The following MSRA variants were observed in gnomAD, a reference collection of about 807,000 sequenced individuals.
MSRA encodes the protein mitochondrial peptide methionine sulfoxide reductase.
MSRA carries 54 observed loss-of-function variants against 31.3 expected under a neutral mutation model. That is an observed-to-expected ratio of 1.73 (90% CI 1.39 to 2.17). The LOEUF is 2.17. MSRA is among the 30% of genes most tolerant of loss of function. The probability of loss-of-function intolerance (pLI) is 0.00; values close to 1 mark genes in which losing one functional copy is unlikely to be tolerated. For missense variants in MSRA, 507 were observed against 300.9 expected (o/e 1.69, Z -5.07); for synonymous variants, 169 against 116.5 (o/e 1.45, Z -2.90).
chr8:10,403,903 G>C (rs925733240), intron 5 of MSRA, among the ~76,000 whole-genome samples: 2 of 152,158 alleles, frequency 1.3e-5, no homozygotes, highest in Non-Finnish European at 2.9e-5. Context: ...CACTCACAGA[G>C]GATTGTATGA....
chr8:10,341,209 G>A (rs1436875866), intron 5 of MSRA, among the ~76,000 whole-genome samples: 3 of 152,192 alleles, frequency 2.0e-5, no homozygotes, highest in Non-Finnish European at 2.9e-5. Flanking sequence ...AGATTTAATT[G>A]GCTCATGATT....
chr8:10,227,691 G>C (rs764714878), intron 2 of MSRA, among the ~76,000 whole-genome samples: 2 of 152,144 alleles, frequency 1.3e-5, no homozygotes, highest in Non-Finnish European at 2.9e-5. Context: ...ATTAGGGAAG[G>C]GGCTGAAAAG....
At chr8:10,071,363 C>A (rs560101094) in intron 1 of MSRA, among the ~76,000 whole-genome samples, 1 of 151,934 alleles carries the variant, frequency 6.6e-6, no homozygotes, top group Non-Finnish European at 1.5e-5. Flanking sequence ...CTTTACTCTT[C>A]AGCGGAGTCT....
At chr8:10,358,980 G>A (rs1804680774) in intron 5 of MSRA, among the ~76,000 whole-genome samples, 1 of 152,140 alleles carries the variant, frequency 6.6e-6, no homozygotes. Flanking sequence ...GACGCCTGAT[G>A]ATCTGAAGTG....
At chr8:10,250,754 A>T (rs918785222) in intron 3 of MSRA, 2 of 437,132 alleles carry the variant, frequency 4.6e-6, no homozygotes, top group African/African-American at 3.9e-5. Context: ...TCAGGTGCTT[A>T]TGTGTCCTGT....
At chr8:10,350,680 G>A (rs1804072844) in intron 5 of MSRA, among the ~76,000 whole-genome samples, 1 of 152,206 alleles carries the variant, frequency 6.6e-6, no homozygotes, top group Non-Finnish European at 1.5e-5. Flanking sequence ...TAGCTGGTTG[G>A]CCCTGTATCT....
At chr8:10,162,230 G>A (rs1393262810) in intron 1 of MSRA, among the ~76,000 whole-genome samples, 2 of 152,168 alleles carry the variant, frequency 1.3e-5, no homozygotes, top group East Asian at 1.9e-4. Flanking sequence ...TTTGGACAGG[G>A]TACTTGCAGA....
intron 1 of MSRA, among the ~76,000 whole-genome samples, chr8:10,167,199 C>T (rs139055916): frequency 6.6e-6 from 1 of 152,152 alleles, no homozygotes; most frequent in African/African-American, 2.4e-5. Context: ...CTAACGTGGC[C>T]GGGCTCCCAC....
intron 3 of MSRA, among the ~76,000 whole-genome samples, chr8:10,249,143 C>T (rs753157817): frequency 1.1e-4 from 17 of 152,198 alleles, no homozygotes; most frequent in Non-Finnish European, 2.2e-4. Flanking sequence ...TCACTAACCT[C>T]GTGTTCTGAT....
chr8:10,104,229 C>T (rs1799724246), intron 1 of MSRA, among the ~76,000 whole-genome samples: 1 of 152,154 alleles, frequency 6.6e-6, no homozygotes, highest in Non-Finnish European at 1.5e-5. Flanking sequence ...CTGAATATTT[C>T]AGCTTTACTC....
chr8:10,155,591 G>C (rs1804091700), intron 1 of MSRA, among the ~76,000 whole-genome samples: 1 of 152,190 alleles, frequency 6.6e-6, no homozygotes, highest in Admixed American at 6.5e-5. Context: ...AACCATGAGA[G>C]AAATGGCGAG....
At chr8:10,393,577 G>A (rs1198646550) in intron 5 of MSRA, among the ~76,000 whole-genome samples, 1 of 152,192 alleles carries the variant, frequency 6.6e-6, no homozygotes, top group African/African-American at 2.4e-5. Flanking sequence ...CTGCCTGGCA[G>A]CCATATCAAC....
chr8:10,388,319 A>G lies in MSRA; in HGVS notation c.544-39829A>G, dbSNP rs369031560. Among the ~76,000 whole-genome samples, 143 of 152,258 alleles carry G rather than the reference A, an allele frequency of 9.4e-4. 1 individual carries two copies. Among genetic ancestry groups the G allele is most frequent in the African/African-American group, 3.2e-3 (134 of 41,550 alleles). Reference sequence around the variant, plus strand: ...CTTCTCCCTCGATAAGGGTCTTGTGATTTAAGGTCACCCCCGTCTTCCTGG... The same window carrying G: ...CTTCTCCCTCGATAAGGGTCTTGTGGTTTAAGGTCACCCCCGTCTTCCTGG... On this transcript the variant is annotated intron_variant, in intron 5 of 5. Transcript: ENST00000317173.
intron 3 of MSRA, among the ~76,000 whole-genome samples, chr8:10,252,070 A>G (rs752168654): frequency 3.9e-5 from 6 of 152,216 alleles, no homozygotes; most frequent in African/African-American, 9.6e-5. Flanking sequence ...TTTCAGCTGT[A>G]TTATATGTTG....
intron 1 of MSRA, among the ~76,000 whole-genome samples, chr8:10,062,246 T>C (rs1365757825): frequency 6.6e-6 from 1 of 152,198 alleles, no homozygotes; most frequent in Non-Finnish European, 1.5e-5. Flanking sequence ...CAGCAGCAGC[T>C]GGCTGGCCCT....
chr8:10,153,562 G>T (rs1803896237), intron 1 of MSRA, among the ~76,000 whole-genome samples: 1 of 152,112 alleles, frequency 6.6e-6, no homozygotes, highest in African/African-American at 2.4e-5. Context: ...TAAGGTCACT[G>T]GGTGAGGTAG....
At chr8:10,283,160 A>ACACACACACACACACTCTCTCTCTCT in intron 3 of MSRA, among the ~76,000 whole-genome samples, 12 of 140,236 alleles carry the variant, frequency 8.6e-5, no homozygotes, top group African/African-American at 3.0e-4. Context: ...ACACACACAC[A>ACACACACACACACACTCTCTCTCTCT]CTCTCACCCT....
intron 5 of MSRA, among the ~76,000 whole-genome samples, chr8:10,381,083 C>T (rs1002344985): frequency 6.6e-6 from 1 of 152,024 alleles, no homozygotes; most frequent in African/African-American, 2.4e-5. Context: ...TGATGGATAT[C>T]CTATATCTAT....
At chr8:10,338,976 C>A (rs4132302) in intron 5 of MSRA, among the ~76,000 whole-genome samples, 129,940 of 152,198 alleles carry the variant, frequency 0.85, 55,948 homozygotes, top group South Asian at 0.93. Flanking sequence ...AGTGCCAGGC[C>A]AGTTTCCAGT....
Sources: gnomAD v4.1 joint callset for allele counts (sites outside exome capture counted in the v4.1 genomes callset) on GRCh38, gnomAD v4.1.1 for gene constraint, MANE v1.5 for transcripts, NCBI Gene and HGNC (gene_info 2026-07-23, HGNC 2026-07-21) for gene names.